Variants in TMEM30B observed in about 807,000 individuals in gnomAD.
TMEM30B encodes the protein cell division cycle 50 P4-ATPase accessory subunit B.
In TMEM30B, 25 loss-of-function variants were observed where a neutral mutation model predicts 27.9. The ratio of observed to expected loss-of-function variants is 0.89; its 90% CI spans 0.65 to 1.25. The LOEUF is 1.25. Among genes scored for constraint, TMEM30B ranks in the 50% most tolerant of loss-of-function variants. The pLI is 0.00. For synonymous variants in TMEM30B, 248 were observed against 238.5 expected, an observed-to-expected ratio of 1.04 and a Z score of -0.37; for missense variants, 536 against 506.5, an observed-to-expected ratio of 1.06 and a Z score of -0.56.
Position 61,277,793 on chromosome 14 carries a change from G to A in TMEM30B, c.*2299C>T, listed in dbSNP as rs2045217673. The A allele has an allele frequency of 6.6e-6, 1 of 152,108 alleles. No homozygotes were observed. Among genetic ancestry groups the A allele is most frequent in the African/African-American group, 2.4e-5 (1 of 41,408 alleles). 9.4% of individuals were successfully genotyped at this position (152,108 alleles called of 1,614,324 possible). ...ACTATCTAGTTTATATACACGTTGAGGTTGATAAAGTTCAAATTCTGTTTT... is the reference window on the plus strand; with the variant it reads ...ACTATCTAGTTTATATACACGTTGAAGTTGATAAAGTTCAAATTCTGTTTT... On this transcript the variant is annotated 3_prime_UTR_variant, in exon 1 of 1. Coordinates refer to ENST00000555868, the MANE Select transcript of TMEM30B (RefSeq NM_001017970.3).
chr14:61,280,595 G>C lies in TMEM30B; in HGVS notation c.553C>G (p.Pro185Ala). 1 of 1,592,548 alleles carries C rather than the reference G, an allele frequency of 6.3e-7. No homozygotes were observed. The highest frequency in any genetic ancestry group is 8.5e-7 in the Non-Finnish European group (1 of 1,169,866). ...SLWHQRQPGG[P>A]YVEVPLDRSG... ...CGGTCGAGCGGCACCTCGACGTAGG[G>C]CCCGCCGGGCTGGCGCTGGTGCCAA... Residue 185 changes from proline to alanine, a missense_variant, in exon 1 of 1, where the codon CCC becomes GCC. Pro to Ala is a conservative substitution (Grantham distance 27, BLOSUM62 -1). Transcript: ENST00000555868. This position sits in a 1 kb window ranked among gnomAD's most constrained non-coding sequence, Gnocchi z 5.0.
At position 61,280,518 on chromosome 14, in the gene TMEM30B, C is replaced by T. The variant is rs1363090069; in HGVS notation, c.630G>A (p.Pro210=). 1.2e-6 allele frequency: 2 copies of T among 1,612,632 alleles called. No individual in the cohort carries two copies. Among genetic ancestry groups the T allele is most frequent in the East Asian group, 2.2e-5 (1 of 44,848 alleles). Residue 210 remains proline, a synonymous_variant, in exon 1 of 1, where the codon CCG becomes CCA. Transcript: ENST00000555868. This position sits in a 1 kb window ranked among gnomAD's most constrained non-coding sequence, Gnocchi z 5.0. ...CCAACGCCAGGCTGCCGTTGACCAG[C>T]GGCGGGTTGCGGAACTTGACGTGGT... ...TDYHVKFRNP[P]LVNGSLALAF... is the part of the protein sequence containing the mutation.
Position 61,279,973 on chromosome 14 carries a change from T to C in TMEM30B, c.*119A>G. The C allele has an allele frequency of 1.1e-6, 1 of 880,900 alleles. No individual in the cohort carries two copies. Among genetic ancestry groups the C allele is most frequent in the South Asian group, 1.8e-5 (1 of 55,650 alleles). 54.6% of individuals were successfully genotyped at this position (880,900 alleles called of 1,614,324 possible). ...GTAATTCCCTTATCTGGTCCCCTCA[T>C]TCACAAAGGGAGGAAAAGCTAGGCG... On this transcript the variant is annotated 3_prime_UTR_variant, in exon 1 of 1. Transcript: ENST00000555868.
In TMEM30B at chr14:61,280,204, G is replaced by T; in HGVS notation, c.944C>A (p.Pro315His). ...SSISWMGGKN[P>H]FLGIAYLVVG... The stretch of plus-strand genomic sequence containing the variant: ...GACCAGGTAGGCGATGCCCAGGAAG[G>T]GGTTCTTGCCACCCATCCACGAGAT... Residue 315 changes from proline to histidine, a missense_variant, in exon 1 of 1, where the codon CCC (proline) becomes CAC (histidine). By Grantham distance (77) the Pro-to-His change is moderately conservative (BLOSUM62 -2). Coordinates refer to ENST00000555868, the MANE Select transcript of TMEM30B (RefSeq NM_001017970.3). This position sits in a 1 kb window ranked among gnomAD's most constrained non-coding sequence, Gnocchi z 5.0. 6.2e-7 allele frequency: 1 copy of T among 1,614,114 alleles called. No individual in the cohort carries two copies. Among genetic ancestry groups the T allele is most frequent in the Non-Finnish European group, 8.5e-7 (1 of 1,180,004 alleles).
Position 61,281,221 on chromosome 14 carries a change from C to G in TMEM30B, c.-74G>C. ...CCGCGGGGCGCCTCCCTCTCCGCGC[C>G]GCGCAAGCCCGGGGACTGCTCGCGG... On this transcript the variant is annotated 5_prime_UTR_variant, in exon 1 of 1. Coordinates refer to ENST00000555868, the MANE Select transcript of TMEM30B (RefSeq NM_001017970.3). 1.0e-6 allele frequency: 1 copy of G among 995,620 alleles called. No homozygotes were observed. The highest frequency in any genetic ancestry group is 1.3e-6 in the Non-Finnish European group (1 of 760,734). 61.7% of individuals were successfully genotyped at this position (995,620 alleles called of 1,614,324 possible). A position where few individuals can be genotyped will look rare whatever the true frequency, so the allele number is the denominator to read the frequency against.
rs1170867207 is a variant in TMEM30B at position 61,278,000 on chromosome 14, T to C, written c.*2092A>G. 1 of 152,216 alleles carries C rather than the reference T, an allele frequency of 6.6e-6. No homozygotes were observed. The highest frequency in any genetic ancestry group is 1.5e-5 in the Non-Finnish European group (1 of 68,038). 9.4% of individuals were successfully genotyped at this position (152,216 alleles called of 1,614,324 possible). On this transcript the variant is annotated 3_prime_UTR_variant, in exon 1 of 1. Coordinates refer to ENST00000555868, the MANE Select transcript of TMEM30B (RefSeq NM_001017970.3). ...TAACAAAGGTAAGACAAACATAACC[T>C]TTATTCTCTCTCAAAAACCCAGAGA...
rs2045219296 is a variant in TMEM30B, at chr14:61,277,969, A to T, written c.*2123T>A. ...ATCATCGTTCAAAAGAATTCAGCAA[A>T]CTCGATAACAAAGGTAAGACAAACA... On this transcript the variant is annotated 3_prime_UTR_variant, in exon 1 of 1. Coordinates refer to ENST00000555868, the MANE Select transcript of TMEM30B (RefSeq NM_001017970.3). The T allele has an allele frequency of 6.6e-6, 1 of 152,188 alleles. No individual in the cohort carries two copies. The highest frequency in any genetic ancestry group is 2.4e-5 in the African/African-American group (1 of 41,450). The allele number at this position is 152,188 out of a possible 1,614,324, so 9.4% of individuals were successfully genotyped here.
rs761501507 is a variant in TMEM30B, at chr14:61,280,823, A to G, written c.325T>C (p.Tyr109His). 1.3e-6 allele frequency: 2 copies of G among 1,566,036 alleles called. No individual in the cohort carries two copies. The highest frequency in any genetic ancestry group is 2.4e-5 in the South Asian group (2 of 84,866). The change falls in exon 1 of 1, where the codon TAC becomes CAC. Residue 109 changes from tyrosine to histidine, a missense_variant. Tyr to His is a moderately conservative substitution (Grantham distance 83, BLOSUM62 2). Transcript: ENST00000555868. This position sits in a 1 kb window ranked among gnomAD's most constrained non-coding sequence, Gnocchi z 5.0. The part of the protein sequence containing the change: ...SLPELFQGPV[Y>H]LYYELTNFYQ... ...AAGTTGGTCAGCTCGTAGTAGAGGT[A>G]CACTGGGCCCTGGAAGAGCTCGGGC...
Position 61,280,690 on chromosome 14 carries a change from C to G in TMEM30B, c.458G>C (p.Ser153Thr). The G allele has an allele frequency of 6.3e-7, 1 of 1,577,852 alleles. No homozygotes were observed. Among genetic ancestry groups the G allele is most frequent in the Non-Finnish European group, 8.6e-7 (1 of 1,164,440 alleles). ...PVNECAPYQR[S>T]AAGLPIAPCG... is the part of the protein sequence containing the mutation. ...GGGCGCGATGGGCAGGCCGGCCGCG[C>G]TGCGCTGGTAGGGGGCGCACTCGTT... The change falls in exon 1 of 1, where the codon AGC becomes ACC. Residue 153 changes from serine (S) to threonine (T), a missense_variant. Transcript: ENST00000555868. The surrounding 1 kb of genome is among the most constrained non-coding windows in gnomAD (Gnocchi z 5.0).
Position 61,281,048 on chromosome 14 carries a change from T to C in TMEM30B, c.100A>G (p.Ile34Val). The change falls in exon 1 of 1, where the codon ATC becomes GTC. Residue 34 changes from isoleucine (I) to valine (V), a missense_variant. Coordinates refer to ENST00000555868, the MANE Select transcript of TMEM30B (RefSeq NM_001017970.3). ...PAWQPLLSASIALPLFFCAGL... is the reference protein window; with the variant it reads ...PAWQPLLSASVALPLFFCAGL... Reference sequence around the variant, plus strand: ...GCGCAGAAGAAGAGCGGCAGCGCGATGCTGGCCGACAGCAGCGGCTGCCAG... The same window carrying C: ...GCGCAGAAGAAGAGCGGCAGCGCGACGCTGGCCGACAGCAGCGGCTGCCAG... The C allele has an allele frequency of 1.3e-6, 2 of 1,525,744 alleles. No homozygotes were observed. Among genetic ancestry groups the C allele is most frequent in the Non-Finnish European group, 1.8e-6 (2 of 1,139,664 alleles). The allele number at this position is 1,525,744 out of a possible 1,614,324, so 94.5% of individuals were successfully genotyped here.
chr14:61,280,722 G>A lies in TMEM30B; in HGVS notation c.426C>T (p.His142=). The part of the protein sequence containing the change: ...QLSGLPSALR[H]PVNECAPYQR... ...GGTAGGGGGCGCACTCGTTGACAGG[G>A]TGGCGCAGCGCGCTGGGGAGTCCGC... The change falls in exon 1 of 1, where the codon CAC becomes CAT. Residue 142 remains histidine, a synonymous_variant. Coordinates refer to ENST00000555868, the MANE Select transcript of TMEM30B (RefSeq NM_001017970.3). The surrounding 1 kb of genome is among the most constrained non-coding windows in gnomAD (Gnocchi z 5.0). The A allele has an allele frequency of 6.3e-7, 1 of 1,577,966 alleles. No homozygotes were observed. The highest frequency in any genetic ancestry group is 8.6e-7 in the Non-Finnish European group (1 of 1,166,304).
In TMEM30B at chr14:61,277,755, T is replaced by C. The variant is rs914211880; in HGVS notation, c.*2337A>G. 2.1e-4 allele frequency: 32 copies of C among 152,242 alleles called. No homozygotes were observed. The highest frequency in any genetic ancestry group is 6.0e-4 in the African/African-American group (25 of 41,466). 9.4% of individuals were successfully genotyped at this position (152,242 alleles called of 1,614,324 possible). On this transcript the variant is annotated 3_prime_UTR_variant, in exon 1 of 1. Transcript: ENST00000555868. The stretch of plus-strand genomic sequence containing the variant: ...TAGTTTATATACATGTTGAGGTTGA[T>C]AAAGTATTGAGGACTATCTAGTTTA...
rs1555373181 is a variant in TMEM30B at position 61,281,026 on chromosome 14, C to G, written c.122G>C (p.Cys41Ser). The G allele has an allele frequency of 6.5e-7, 1 of 1,533,612 alleles. No homozygotes were observed. Among genetic ancestry groups the G allele is most frequent in the South Asian group, 1.2e-5 (1 of 82,276 alleles). ...SASIALPLFF[C>S]AGLAFIGLGL... ...CAGGCCGATGAAGGCCAGGCCCGCG[C>G]AGAAGAAGAGCGGCAGCGCGATGCT... The change falls in exon 1 of 1, where the codon TGC (cysteine) becomes TCC (serine). Residue 41 changes from cysteine (C) to serine (S), a missense_variant. Cys to Ser is a moderately radical substitution (Grantham distance 112). Coordinates refer to ENST00000555868, the MANE Select transcript of TMEM30B (RefSeq NM_001017970.3).
chr14:61,277,630 A>G lies in TMEM30B; in HGVS notation c.*2462T>C, dbSNP rs1014750720. On this transcript the variant is annotated 3_prime_UTR_variant, in exon 1 of 1. Transcript: ENST00000555868. ...GCTGCTTTGAAGTCCAAAATATCCA[A>G]TAAATAATTGCAATTTATAATTGAA... is the stretch of plus-strand genomic sequence containing the variant. 2.0e-5 allele frequency: 3 copies of G among 152,244 alleles called. No homozygotes were observed. The highest frequency in any genetic ancestry group is 7.2e-5 in the African/African-American group (3 of 41,464). The allele number at this position is 152,244 out of a possible 1,614,324, so 9.4% of individuals were successfully genotyped here.
At position 61,280,971 on chromosome 14, in the gene TMEM30B, G is replaced by A. The variant is rs2045258325; in HGVS notation, c.177C>T (p.Gly59=). The change falls in exon 1 of 1, where the codon GGC becomes GGT. Residue 59 remains glycine, a synonymous_variant. Transcript: ENST00000555868. This position sits in a 1 kb window ranked among gnomAD's most constrained non-coding sequence, Gnocchi z 5.0. ...TATAGTCGTACTCCAGCTCCTTGAT[G>A]CCGTTGGAGGAGTAGTAGAGGCCCA... The part of the protein sequence containing the change: ...LGLGLYYSSN[G]IKELEYDYTG... The A allele has an allele frequency of 6.5e-7, 1 of 1,542,980 alleles. No individual in the cohort carries two copies. The highest frequency in any genetic ancestry group is 8.7e-7 in the Non-Finnish European group (1 of 1,147,138).
In TMEM30B at chr14:61,281,063, G is replaced by C. The variant is rs1594889273; in HGVS notation, c.85C>G (p.Leu29Val). The C allele has an allele frequency of 1.3e-6, 2 of 1,520,514 alleles. No individual in the cohort carries two copies. Among genetic ancestry groups the C allele is most frequent in the African/African-American group, 2.9e-5 (2 of 70,148 alleles). The allele number at this position is 1,520,514 out of a possible 1,614,324, so 94.2% of individuals were successfully genotyped here. Residue 29 changes from leucine (L) to valine (V), a missense_variant, in exon 1 of 1, where the codon CTG (leucine) becomes GTG (valine). Physicochemically the swap from Leu to Val is conservative, Grantham distance 32 (BLOSUM62 1). Coordinates refer to ENST00000555868, the MANE Select transcript of TMEM30B (RefSeq NM_001017970.3). ...TQQRLPAWQP[L>V]LSASIALPLF... Reference sequence around the variant, plus strand: ...GGCAGCGCGATGCTGGCCGACAGCAGCGGCTGCCAGGCGGGGAGGCGCTGC... The same window carrying C: ...GGCAGCGCGATGCTGGCCGACAGCACCGGCTGCCAGGCGGGGAGGCGCTGC...
chr14:61,280,997 G>A lies in TMEM30B; in HGVS notation c.151C>T (p.Leu51=), dbSNP rs1426420701. Residue 51 remains leucine, a synonymous_variant, in exon 1 of 1, where the codon CTG becomes TTG. Transcript: ENST00000555868. The surrounding 1 kb of genome is among the most constrained non-coding windows in gnomAD (Gnocchi z 5.0). ...CAGLAFIGLG[L]GLYYSSNGIK... Reference sequence around the variant, plus strand: ...CCGTTGGAGGAGTAGTAGAGGCCCAGGCCCAGGCCGATGAAGGCCAGGCCC... The same window carrying A: ...CCGTTGGAGGAGTAGTAGAGGCCCAAGCCCAGGCCGATGAAGGCCAGGCCC... 1 of 1,540,522 alleles carries A rather than the reference G, an allele frequency of 6.5e-7. No homozygotes were observed. Among genetic ancestry groups the A allele is most frequent in the African/African-American group, 1.4e-5 (1 of 72,234 alleles).
rs2045224715 is a variant in TMEM30B at position 61,278,556 on chromosome 14, TTGAG to T, written c.*1532_*1535del. On this transcript the variant is annotated 3_prime_UTR_variant, in exon 1 of 1. Coordinates refer to ENST00000555868, the MANE Select transcript of TMEM30B (RefSeq NM_001017970.3). ...AAGTACTTCAAGATCTTGCACTGCC[TTGAG>T]TGAGTATAATCAAGTTAGTAATTGG... 1 of 152,210 alleles carries T rather than the reference TTGAG, an allele frequency of 6.6e-6. No individual in the cohort carries two copies. Among genetic ancestry groups the T allele is most frequent in the South Asian group, 2.1e-4 (1 of 4,834 alleles). 9.4% of individuals were successfully genotyped at this position (152,210 alleles called of 1,614,324 possible).
Sources: allele counts gnomAD v4.1 joint callset, GRCh38; gene constraint gnomAD v4.1.1; non-coding constraint Gnocchi (gnomAD v3.1); transcripts MANE v1.5; gene names NCBI Gene and HGNC (gene_info 2026-07-23, HGNC 2026-07-21).